The following CNTN1 variants were observed in gnomAD, a reference collection of about 807,000 sequenced individuals.
The protein encoded by CNTN1 is contactin 1, also known as contactin-1.
Under a neutral mutation model 126.4 loss-of-function variants are expected in CNTN1, and 38 were observed. The observed-to-expected ratio is 0.30, with a 90% CI of 0.23 to 0.39. The LOEUF is 0.39. Among genes scored for constraint, CNTN1 ranks in the 10% least tolerant of loss-of-function variants. The pLI, the probability that CNTN1 is intolerant of heterozygous loss-of-function variation, is 1.00. For synonymous variants in CNTN1, 413 were observed against 422.6 expected, an observed-to-expected ratio of 0.98 and a Z score of 0.28; for missense variants, 1,009 against 1,248.4, an observed-to-expected ratio of 0.81 and a Z score of 2.89.
chr12:40,815,213 T>C (rs891251786), intron 1 of CNTN1, among the ~76,000 whole-genome samples: 2 of 152,238 alleles, frequency 1.3e-5, no homozygotes, highest in African/African-American at 4.8e-5. Context: ...TTGATGGGAA[T>C]AGCATTGAAT....
chr12:41,013,920 A>C (rs2120725927), intron 17 of CNTN1, among the ~76,000 whole-genome samples: 1 of 152,348 alleles, frequency 6.6e-6, no homozygotes, highest in East Asian at 1.9e-4. Flanking sequence ...TAGGCTTCAA[A>C]AGTAAAAGTG....
chr12:40,819,703 T>TC (rs147758908), intron 1 of CNTN1, among the ~76,000 whole-genome samples: 1 of 151,982 alleles, frequency 6.6e-6, no homozygotes, highest in Non-Finnish European at 1.5e-5. Context: ...TGGTCGCCCC[T>TC]CCCCCCTGGA....
chr12:40,953,061 T>C (rs573756352), intron 14 of CNTN1, among the ~76,000 whole-genome samples: 1 of 152,288 alleles, frequency 6.6e-6, no homozygotes, highest in Non-Finnish European at 1.5e-5. Flanking sequence ...AATTTGTTAA[T>C]ACAGCGTCAT....
chr12:40,983,075 G>A (rs1487389452), intron 16 of CNTN1, among the ~76,000 whole-genome samples: 2 of 152,022 alleles, frequency 1.3e-5, no homozygotes, highest in Non-Finnish European at 2.9e-5. Context: ...ATGTACCCTA[G>A]AACTTAAAGT....
chr12:41,005,909 T>A (rs927141620), intron 17 of CNTN1, among the ~76,000 whole-genome samples: 2 of 152,200 alleles, frequency 1.3e-5, no homozygotes, highest in African/African-American at 4.8e-5. Context: ...ATAATCTGAA[T>A]TCTATTTCTG....
intron 1 of CNTN1, among the ~76,000 whole-genome samples, chr12:40,888,587 C>T (rs1360748758): frequency 6.6e-6 from 1 of 151,846 alleles, no homozygotes; most frequent in African/African-American, 2.4e-5. Flanking sequence ...CTCCCGATTA[C>T]AACGTAAAGA....
At chr12:40,870,524 A>C (rs1480523066) in intron 1 of CNTN1, among the ~76,000 whole-genome samples, 1 of 152,158 alleles carries the variant, frequency 6.6e-6, no homozygotes, top group Non-Finnish European at 1.5e-5. Flanking sequence ...TCAGACAGAT[A>C]ATAGATTTTC....
intron 14 of CNTN1, among the ~76,000 whole-genome samples, chr12:40,958,063 C>A (rs1199599824): frequency 6.6e-6 from 1 of 152,018 alleles, no homozygotes. Context: ...CATAGGAAAA[C>A]CAAATGTCCA....
intron 14 of CNTN1, among the ~76,000 whole-genome samples, chr12:40,948,030 C>T (rs1946499773): frequency 6.6e-6 from 1 of 151,688 alleles, no homozygotes; most frequent in African/African-American, 2.4e-5. Context: ...CTCAGAATTT[C>T]CCTCTGTAAA....
At chr12:40,798,729 G>A (rs1004232168) in intron 1 of CNTN1, among the ~76,000 whole-genome samples, 1 of 151,916 alleles carries the variant, frequency 6.6e-6, no homozygotes, top group Non-Finnish European at 1.5e-5. Flanking sequence ...ACAGACACTG[G>A]GGCCCACCAG....
At chr12:40,692,740 G>T (rs1459515664) in intron 1 of CNTN1, 148 bp downstream of exon 1, 1 of 156,644 alleles carries the variant, frequency 6.4e-6, no homozygotes, top group East Asian at 1.9e-4. Flanking sequence ...GCGCGGGAAG[G>T]ACTGGGGCGG....
Position 41,045,407 on chromosome 12 carries a change from T to C in CNTN1, c.2980+16188T>C, listed in dbSNP as rs552121093. ...AGGGAGTTGGGTTTTAAATTTTCTC[T>C]CCTGAGGTTTGACACTTATTCACTA... On this transcript the variant is annotated intron_variant, in intron 23 of 23. Transcript: ENST00000551295. Among the ~76,000 whole-genome samples, 9 of 152,266 alleles carry C rather than the reference T, an allele frequency of 5.9e-5. No individual in the cohort carries two copies. The South Asian group carries it at 1.9e-3, about 32-fold the overall frequency.
chr12:40,750,693 A>G (rs1445445018), intron 1 of CNTN1, among the ~76,000 whole-genome samples: 1 of 152,044 alleles, frequency 6.6e-6, no homozygotes, highest in African/African-American at 2.4e-5. Flanking sequence ...CCAGTTGAGA[A>G]TCAGAAAAGA....
At chr12:41,068,484 G>T (rs138944766) in intron 23 of CNTN1, among the ~76,000 whole-genome samples, 1 of 151,898 alleles carries the variant, frequency 6.6e-6, no homozygotes, top group African/African-American at 2.4e-5. Context: ...ATCTGTATCC[G>T]ATAAAGCTTT....
chr12:40,841,172 T>C (rs1942264703), intron 1 of CNTN1, among the ~76,000 whole-genome samples: 1 of 151,798 alleles, frequency 6.6e-6, no homozygotes, highest in African/African-American at 2.4e-5. Context: ...TGACCAACTA[T>C]ACACTGAAAA....
chr12:40,946,820 A>G (rs1463129985), intron 14 of CNTN1, among the ~76,000 whole-genome samples: 1 of 152,070 alleles, frequency 6.6e-6, no homozygotes, highest in African/African-American at 2.4e-5. Context: ...ACTAAGGGGC[A>G]ACCTTGTATA....
At chr12:40,898,936 G>A (rs1410478581) in intron 1 of CNTN1, among the ~76,000 whole-genome samples, 3 of 152,222 alleles carry the variant, frequency 2.0e-5, no homozygotes, top group Non-Finnish European at 2.9e-5. Flanking sequence ...TAGGTAGAAC[G>A]ACTTAGAGTG....
At chr12:40,818,357 G>A (rs918648047) in intron 1 of CNTN1, among the ~76,000 whole-genome samples, 1 of 152,028 alleles carries the variant, frequency 6.6e-6, no homozygotes, top group Non-Finnish European at 1.5e-5. Context: ...TGGAGGCTTT[G>A]TTCATTCCTT....
intron 1 of CNTN1, among the ~76,000 whole-genome samples, chr12:40,765,683 G>T (rs1369649071): frequency 6.6e-6 from 1 of 152,144 alleles, no homozygotes; most frequent in Non-Finnish European, 1.5e-5. Flanking sequence ...GACAATCCAA[G>T]ACCTTTGATG....
Sources: allele counts gnomAD v4.1 joint callset (sites outside exome capture counted in the v4.1 genomes callset), GRCh38; gene constraint gnomAD v4.1.1; transcripts MANE v1.5; gene names NCBI Gene and HGNC (gene_info 2026-07-23, HGNC 2026-07-21).